The following STOM variants were observed in gnomAD, a reference collection of about 807,000 sequenced individuals.
STOM encodes stomatin, also known as erythrocyte band 7 integral membrane protein.
Under a neutral mutation model 30.6 loss-of-function variants are expected in STOM, and 25 were observed. The ratio of observed to expected loss-of-function variants is 0.82; its 90% CI spans 0.60 to 1.14. STOM has a LOEUF of 1.14. Ranked by LOEUF, STOM falls within the 50% of genes most tolerant of loss-of-function variation. The pLI, the probability that STOM is intolerant of heterozygous loss-of-function variation, is 0.00. For synonymous variants in STOM, 118 were observed against 130.8 expected, an observed-to-expected ratio of 0.90 and a Z score of 0.67; for missense variants, 292 against 365.2, an observed-to-expected ratio of 0.80 and a Z score of 1.63.
intron 6 of STOM, among the ~76,000 whole-genome samples, chr9:121,344,920 A>G (rs2064276671): frequency 6.6e-6 from 1 of 152,244 alleles, no homozygotes; most frequent in Admixed American, 6.5e-5. Flanking sequence ...TAAACACTTT[A>G]AAAACCAAAC....
At chr9:121,350,101 T>C (rs984548398) in intron 4 of STOM, among the ~76,000 whole-genome samples, 1 of 152,200 alleles carries the variant, frequency 6.6e-6, no homozygotes, top group Non-Finnish European at 1.5e-5. Flanking sequence ...TGGATAATGG[T>C]GGTAACTTTA....
At position 121,354,483 on chromosome 9, in the gene STOM, G is replaced by C. The variant is rs1004009837; in HGVS notation, c.238+118C>G. On this transcript the variant is annotated intron_variant, in intron 3 of 6. Coordinates refer to ENST00000286713, the MANE Select transcript of STOM (RefSeq NM_004099.6). The stretch of plus-strand genomic sequence containing the variant: ...TGCAGTGAGACATGAGCATGCCACT[G>C]TACTCCAGCCTGGGCGACGGAATGA... 6 of 716,824 alleles carry C rather than the reference G, an allele frequency of 8.4e-6. No homozygotes were observed. In the East Asian group the frequency reaches 1.1e-4, roughly 13 times the overall value. The allele number at this position is 716,824 out of a possible 1,614,324, so 44.4% of individuals were successfully genotyped here.
chr9:121,348,074 C>A lies in STOM; in HGVS notation c.601G>T (p.Val201Leu). ...RVEIKDVKLP[V>L]QLQRAMAAEA... ...GCAGCCATAGCTCTCTGGAGCTGCA[C>A]AGGTAGTTTCACATCCTTAATTTCC... The change falls in exon 6 of 7, where the codon GTG becomes TTG. Residue 201 changes from valine to leucine, a missense_variant. Physicochemically the swap from Val to Leu is conservative, Grantham distance 32. Coordinates refer to ENST00000286713, the MANE Select transcript of STOM (RefSeq NM_004099.6). 1 of 1,614,226 alleles carries A rather than the reference C, an allele frequency of 6.2e-7. No individual in the cohort carries two copies. The highest frequency in any genetic ancestry group is 8.5e-7 in the Non-Finnish European group (1 of 1,180,040).
chr9:121,352,156 A>G (rs550620614), intron 4 of STOM, among the ~76,000 whole-genome samples: 3 of 152,244 alleles, frequency 2.0e-5, no homozygotes, highest in Non-Finnish European at 4.4e-5. Flanking sequence ...AGTCTCTTAT[A>G]TACAGTGGCA....
At chr9:121,349,604 G>A (rs2064321097) in intron 4 of STOM, among the ~76,000 whole-genome samples, 1 of 152,200 alleles carries the variant, frequency 6.6e-6, no homozygotes, top group Non-Finnish European at 1.5e-5. Context: ...TTTGAAGGAG[G>A]TTAGGGAATC....
Position 121,340,826 on chromosome 9 carries a change from C to G in STOM, c.*376G>C, listed in dbSNP as rs940233443. On this transcript the variant is annotated 3_prime_UTR_variant, in exon 7 of 7. Transcript: ENST00000286713. ...GAAGCTGGTTGTGGTGTAAGGTCAT[C>G]ACTTTCTGCAAAGCATTTAGCCAGT... 2.4e-5 allele frequency: 26 copies of G among 1,074,068 alleles called. No homozygotes were observed. Among genetic ancestry groups the G allele is most frequent in the Non-Finnish European group, 2.9e-5 (26 of 882,618 alleles). The allele number at this position is 1,074,068 out of a possible 1,614,324, so 66.5% of individuals were successfully genotyped here.
intron 2 of STOM, among the ~76,000 whole-genome samples, chr9:121,355,270 C>A (rs1198152400): frequency 1.4e-5 from 2 of 146,524 alleles, no homozygotes; most frequent in Non-Finnish European, 3.0e-5. Context: ...TAATAATAAT[C>A]CCAGCTACAC....
At chr9:121,362,260 A>G (rs1024115538) in intron 1 of STOM, among the ~76,000 whole-genome samples, 34 of 152,334 alleles carry the variant, frequency 2.2e-4, no homozygotes, top group African/African-American at 7.9e-4. Context: ...CAGAAACATT[A>G]TCTATACTTT....
chr9:121,352,163 G>A (rs2064345338), intron 4 of STOM, among the ~76,000 whole-genome samples: 1 of 152,086 alleles, frequency 6.6e-6, no homozygotes, highest in African/African-American at 2.4e-5. Flanking sequence ...TATATACAGT[G>A]GCACAATATT....
At position 121,348,126 on chromosome 9, in the gene STOM, A is replaced by G. The variant is rs1351641084; in HGVS notation, c.549T>C (p.Asp183=). The G allele has an allele frequency of 1.2e-6, 2 of 1,614,076 alleles. No homozygotes were observed. The highest frequency in any genetic ancestry group is 1.1e-5 in the South Asian group (1 of 91,094). The change falls in exon 6 of 7, where the codon GAT becomes GAC. Residue 183 remains aspartate (D), a synonymous_variant. Coordinates refer to ENST00000286713, the MANE Select transcript of STOM (RefSeq NM_004099.6). Reference sequence around the variant, plus strand: ...CACGCTCCACCTTTATTCCCCAGGCATCAGTGGCATCATCCAGAGTAGACT... The same window carrying G: ...CACGCTCCACCTTTATTCCCCAGGCGTCAGTGGCATCATCCAGAGTAGACT... ...NMQSTLDDAT[D]AWGIKVERVE...
chr9:121,370,061 C>T, intron 1 of STOM, 66 bp downstream of exon 1: 1 of 1,445,536 alleles, frequency 6.9e-7, no homozygotes, highest in Non-Finnish European at 9.3e-7. Flanking sequence ...GGCTGTCAGA[C>T]CTCGGAGCGC....
Position 121,361,738 on chromosome 9 carries a change from A to G in STOM, c.62-5582T>C, listed in dbSNP as rs568336985. 5.9e-5 allele frequency among the ~76,000 whole-genome samples: 9 copies of G among 152,240 alleles called. No individual in the cohort carries two copies. The South Asian group carries it at 1.7e-3, about 28-fold the overall frequency. On this transcript the variant is annotated intron_variant, in intron 1 of 6. Transcript: ENST00000286713. ...AATGTTCCTAAAAATTAGGGATCCT[A>G]TGATACTTGGTTGTAAATACTACTT...
At position 121,341,236 on chromosome 9, in the gene STOM, C is replaced by A; in HGVS notation, c.833G>T (p.Gly278Val). The change falls in exon 7 of 7, where the codon GGA becomes GTA. Residue 278 changes from glycine (G) to valine (V), a missense_variant. Gly to Val is a moderately radical substitution (Grantham distance 109). Transcript: ENST00000286713. ...VFPLPIDMLQ[G>V]IIGAKHSHLG Reference sequence around the variant, plus strand: ...ATGGCTGTGTTTTGCCCCTATGATTCCTTGCAGCATATCTATGGGCAGAGG... The same window carrying A: ...ATGGCTGTGTTTTGCCCCTATGATTACTTGCAGCATATCTATGGGCAGAGG... The A allele has an allele frequency of 6.2e-7, 1 of 1,614,132 alleles. No individual in the cohort carries two copies. The highest frequency in any genetic ancestry group is 8.5e-7 in the Non-Finnish European group (1 of 1,180,044).
chr9:121,354,520 TA>T, intron 3 of STOM, 80 bp downstream of exon 3: 3 of 1,208,118 alleles, frequency 2.5e-6, no homozygotes, highest in South Asian at 1.4e-5. Flanking sequence ...ACCCTGTCTT[TA>T]AAAAAACAAC....
chr9:121,361,093 G>T (rs779542000), intron 1 of STOM, among the ~76,000 whole-genome samples: 13 of 152,128 alleles, frequency 8.5e-5, no homozygotes, highest in Non-Finnish European at 1.9e-4. Flanking sequence ...ACTGAAATCT[G>T]ATGTTTTTAC....
At chr9:121,355,342 C>T (rs1351555087) in intron 2 of STOM, among the ~76,000 whole-genome samples, 2 of 149,714 alleles carry the variant, frequency 1.3e-5, no homozygotes, top group African/African-American at 2.5e-5. Flanking sequence ...GAGCCGAGAT[C>T]GCGCCACTGC....
At chr9:121,353,434 G>A in intron 3 of STOM, 132 bp from the exon 4 acceptor site, 1 of 483,352 alleles carries the variant, frequency 2.1e-6, no homozygotes, top group Non-Finnish European at 3.7e-6. Flanking sequence ...CCAGAAGCCA[G>A]GAATGATAAC....
intron 6 of STOM, 59 bp downstream of exon 6, chr9:121,347,956 T>A (rs1564628063): frequency 3.3e-6 from 5 of 1,527,864 alleles, no homozygotes; most frequent in Admixed American, 2.2e-5. Flanking sequence ...TACGTTTTTT[T>A]ATAATTATTA....
intron 6 of STOM, 111 bp from the exon 7 acceptor site, chr9:121,341,519 C>T (rs1283134320): frequency 1.2e-5 from 16 of 1,376,488 alleles, no homozygotes; most frequent in Non-Finnish European, 1.4e-5. Flanking sequence ...CTTTCTAGGG[C>T]GTATGCCAGA....
Sources: gnomAD v4.1 joint callset for allele counts (sites outside exome capture counted in the v4.1 genomes callset) on GRCh38, gnomAD v4.1.1 for gene constraint, MANE v1.5 for transcripts, NCBI Gene and HGNC (gene_info 2026-07-23, HGNC 2026-07-21) for gene names.